The following BNC2 variants were observed in gnomAD, a reference collection of about 807,000 sequenced individuals.
The protein encoded by BNC2 is basonuclin zinc finger protein 2.
Under a neutral mutation model 76.3 loss-of-function variants are expected in BNC2, and 20 were observed. The ratio of observed to expected loss-of-function variants is 0.26; its 90% confidence interval spans 0.18 to 0.38. The LOEUF (loss-of-function observed/expected upper bound fraction) is 0.38, where lower values mean the gene tolerates loss of function less well. Ranked by LOEUF, BNC2 falls within the 10% of genes least tolerant of loss-of-function variation. The pLI, the probability that BNC2 is intolerant of heterozygous loss-of-function variation, is 1.00. For missense variants in BNC2, 1,382 were observed against 1,399.8 expected, an observed-to-expected ratio of 0.99 and a Z score of 0.20; for synonymous variants, 582 against 514.8, an observed-to-expected ratio of 1.13 and a Z score of -1.77.
intron 3 of BNC2, among the ~76,000 whole-genome samples, chr9:16,704,103 A>T (rs191797798): frequency 5.9e-5 from 9 of 152,294 alleles, no homozygotes; most frequent in Non-Finnish European, 1.2e-4. Context: ...TGGGGGAAAA[A>T]ATCAGACACA....
chr9:16,741,957 C>CAAAAAAAAA (rs35573018), intron 1 of BNC2, among the ~76,000 whole-genome samples: 2 of 79,396 alleles, frequency 2.5e-5, no homozygotes, highest in Non-Finnish European at 2.2e-5. Context: ...GGCTCCATCT[C>CAAAAAAAAA]AAAAAAAAAA....
chr9:16,470,249 G>C (rs956745749), intron 5 of BNC2, among the ~76,000 whole-genome samples: 1 of 151,900 alleles, frequency 6.6e-6, no homozygotes, highest in South Asian at 2.1e-4. Context: ...CGCCCACCTC[G>C]GCCTCCGAAA....
intron 5 of BNC2, among the ~76,000 whole-genome samples, chr9:16,538,876 A>G (rs1818208353): frequency 6.6e-6 from 1 of 152,234 alleles, no homozygotes; most frequent in Admixed American, 6.5e-5. Context: ...CTATTTACAT[A>G]TAATTAATGA....
At chr9:16,516,217 C>A (rs1817419834) in intron 5 of BNC2, among the ~76,000 whole-genome samples, 1 of 152,128 alleles carries the variant, frequency 6.6e-6, no homozygotes, top group Non-Finnish European at 1.5e-5. Context: ...CATGCATTTT[C>A]TTTGTGTTGT....
intron 3 of BNC2, among the ~76,000 whole-genome samples, chr9:16,662,377 A>C (rs916754678): frequency 2.0e-5 from 3 of 152,206 alleles, no homozygotes; most frequent in African/African-American, 4.8e-5. Context: ...TCATACCTTA[A>C]AATAAATACT....
intron 3 of BNC2, among the ~76,000 whole-genome samples, chr9:16,677,180 A>T (rs1400722176): frequency 6.6e-6 from 1 of 152,230 alleles, no homozygotes; most frequent in Admixed American, 6.5e-5. Context: ...AAGCTAATAC[A>T]CAGGCACAAT....
intron 3 of BNC2, chr9:16,626,327 G>A (rs548982440): frequency 2.6e-5 from 4 of 152,206 alleles, no homozygotes; most frequent in Admixed American, 6.5e-5. Flanking sequence ...TTTAAAATGC[G>A]AGTTTTTCAT....
intron 3 of BNC2, among the ~76,000 whole-genome samples, chr9:16,657,926 G>A (rs1821977797): frequency 6.6e-6 from 1 of 152,044 alleles, no homozygotes; most frequent in African/African-American, 2.4e-5. Context: ...CCTGCTTTTT[G>A]TAATCTCTGA....
At chr9:16,805,368 C>T (rs1050689049) in intron 1 of BNC2, among the ~76,000 whole-genome samples, 1 of 151,850 alleles carries the variant, frequency 6.6e-6, no homozygotes, top group Non-Finnish European at 1.5e-5. Flanking sequence ...CTCTTGTTCC[C>T]CAGGCTGGAG....
At chr9:16,570,023 T>C (rs1819275744) in intron 4 of BNC2, among the ~76,000 whole-genome samples, 1 of 152,170 alleles carries the variant, frequency 6.6e-6, no homozygotes, top group Non-Finnish European at 1.5e-5. Context: ...TGTACATCCT[T>C]TTATTAAACA....
intron 5 of BNC2, among the ~76,000 whole-genome samples, chr9:16,508,337 C>A (rs1822677448): frequency 6.6e-6 from 1 of 152,202 alleles, no homozygotes; most frequent in Non-Finnish European, 1.5e-5. Context: ...ATGTAGAATT[C>A]TTGCCACATA....
At chr9:16,761,856 A>C (rs1194083602) in intron 1 of BNC2, among the ~76,000 whole-genome samples, 1 of 152,224 alleles carries the variant, frequency 6.6e-6, no homozygotes, top group Non-Finnish European at 1.5e-5. Context: ...AGTGCTCTGT[A>C]GCTGATGAAA....
intron 3 of BNC2, among the ~76,000 whole-genome samples, chr9:16,690,235 T>G (rs746237431): frequency 1.3e-5 from 2 of 152,114 alleles, no homozygotes; most frequent in African/African-American, 4.8e-5. Context: ...GGATCACACA[T>G]GTAATCCTAG....
At chr9:16,584,365 C>T (rs1252367264) in intron 3 of BNC2, among the ~76,000 whole-genome samples, 2 of 152,152 alleles carry the variant, frequency 1.3e-5, no homozygotes, top group Admixed American at 6.5e-5. Context: ...GGACAAATTC[C>T]ATTCACAGAG....
intron 1 of BNC2, among the ~76,000 whole-genome samples, chr9:16,762,495 G>A (rs550875983): frequency 4.6e-5 from 7 of 152,336 alleles, no homozygotes; most frequent in African/African-American, 1.4e-4. Flanking sequence ...ACAGAAAGGG[G>A]AGATCAGTAT....
intron 3 of BNC2, among the ~76,000 whole-genome samples, chr9:16,628,687 T>A (rs746999076): frequency 3.9e-5 from 6 of 152,118 alleles, no homozygotes; most frequent in Non-Finnish European, 7.4e-5. Context: ...AAAAGTTCTA[T>A]GATTTTAAAC....
At chr9:16,664,621 G>C (rs1189160595) in intron 3 of BNC2, among the ~76,000 whole-genome samples, 1 of 151,644 alleles carries the variant, frequency 6.6e-6, no homozygotes, top group African/African-American at 2.4e-5. Context: ...GTGTTGGGTA[G>C]GATGCTCATC....
chr9:16,409,617 C>G lies in BNC2; in HGVS notation c.*9372G>C, dbSNP rs1367080264. On this transcript the variant is annotated 3_prime_UTR_variant, in exon 7 of 7. Transcript: ENST00000380672. Reference sequence around the variant, plus strand: ...CCATTTACATCCCCAAACCCTTATGCATTTTATGCAAAAGACATACTGTAG... The same window carrying G: ...CCATTTACATCCCCAAACCCTTATGGATTTTATGCAAAAGACATACTGTAG... The G allele has an allele frequency of 2.0e-5, 3 of 152,566 alleles. No homozygotes were observed. The highest frequency in any genetic ancestry group is 2.0e-4 in the Admixed American group (3 of 15,270). 9.5% of individuals were successfully genotyped at this position (152,566 alleles called of 1,614,324 possible).
At chr9:16,440,723 AT>A (rs1229492654) in intron 5 of BNC2, among the ~76,000 whole-genome samples, 1 of 152,074 alleles carries the variant, frequency 6.6e-6, no homozygotes, top group East Asian at 1.9e-4. Context: ...GCCCACTACT[AT>A]TTCTAAAACC....
Sources: allele counts gnomAD v4.1 joint callset (sites outside exome capture counted in the v4.1 genomes callset), GRCh38; gene constraint gnomAD v4.1.1; transcripts MANE v1.5; gene names NCBI Gene and HGNC (gene_info 2026-07-23, HGNC 2026-07-21).